UGT2B7: variants seen among roughly 807,000 people sequenced by gnomAD.
UGT2B7 encodes the protein UDP-glucuronosyltransferase 2B7.
A neutral mutation model predicts 51.9 loss-of-function variants in UGT2B7; 51 were observed. That is an observed-to-expected ratio of 0.98 (90% CI 0.78 to 1.24). The LOEUF is 1.24. Among genes scored for constraint, UGT2B7 ranks in the 50% most tolerant of loss-of-function variants. The pLI is 0.00. For missense variants in UGT2B7, 727 were observed against 628.4 expected (o/e 1.16, Z -1.68); for synonymous variants, 225 against 211.6 (o/e 1.06, Z -0.55).
intron 2 of UGT2B7, among the ~76,000 whole-genome samples, chr4:69,091,255 G>A (rs1221055211): frequency 6.6e-6 from 1 of 152,140 alleles, no homozygotes; most frequent in African/African-American, 2.4e-5. Flanking sequence ...TGTATTATCA[G>A]CTAATTAGTC....
At chr4:69,093,799 G>A (rs1190381918), upstream of UGT2B7, among the ~76,000 whole-genome samples, 1 of 152,200 alleles carries the variant, frequency 6.6e-6, no homozygotes, top group Non-Finnish European at 1.5e-5. Flanking sequence ...GTTGATGCCA[G>A]GTTGGCAGTC....
chr4:69,067,799 T>C lies in UGT2B7; in HGVS notation c.-159+16197T>C, dbSNP rs998272691. 4.6e-5 allele frequency among the ~76,000 whole-genome samples: 7 copies of C among 152,230 alleles called. No homozygotes were observed. The South Asian group carries it at 1.5e-3, about 32-fold the overall frequency. ...AATGTGTTTTTTTCGTTTGTTTTAA[T>C]GGAAACATTTGTCAGAGGTTTTAGG... On this transcript the variant is annotated intron_variant, in intron 1 of 5. Transcript: ENST00000502942.
rs114914147 is a variant in UGT2B7 at position 69,106,116 on chromosome 4, T to G, written c.1003-1059T>G. 3.1e-3 allele frequency among the ~76,000 whole-genome samples: 476 copies of G among 152,286 alleles called. 4 individuals carry two copies. The highest frequency in any genetic ancestry group is 0.011 in the African/African-American group (452 of 41,576). The stretch of plus-strand genomic sequence containing the variant: ...AATTAATTTAACTTTTATTTGTAAC[T>G]TTTATTTTAAGTTCAAGGGGACATG... On this transcript the variant is annotated intron_variant, in intron 3 of 5. Coordinates refer to ENST00000305231, the MANE Select transcript of UGT2B7 (RefSeq NM_001074.4).
chr4:69,087,238 A>G (rs1421454337), intron 1 of UGT2B7, among the ~76,000 whole-genome samples: 1 of 151,806 alleles, frequency 6.6e-6, no homozygotes, highest in East Asian at 1.9e-4. Flanking sequence ...TTCTTAGTTA[A>G]TGAAAGATTT....
intron 1 of UGT2B7, among the ~76,000 whole-genome samples, chr4:69,072,476 C>T (rs2109869081): frequency 6.6e-6 from 1 of 152,216 alleles, no homozygotes; most frequent in African/African-American, 2.4e-5. Flanking sequence ...AGGACAAATG[C>T]TTTATGTATA....
At chr4:69,053,562 A>G (rs1395067676) in intron 1 of UGT2B7, among the ~76,000 whole-genome samples, 6 of 152,154 alleles carry the variant, frequency 3.9e-5, no homozygotes, top group Admixed American at 1.3e-4. Flanking sequence ...ACTCTTTTCC[A>G]GGATTCTACA....
At chr4:69,067,665 C>G (rs1718510374) in intron 1 of UGT2B7, 1 of 153,954 alleles carries the variant, frequency 6.5e-6, no homozygotes, top group Admixed American at 6.5e-5. Context: ...TTCATACTTT[C>G]TCACATGAAG....
upstream of UGT2B7, among the ~76,000 whole-genome samples, chr4:69,093,787 G>A (rs1472361092): frequency 2.6e-5 from 4 of 152,188 alleles, no homozygotes; most frequent in South Asian, 2.1e-4. Context: ...CCTTGGTTCT[G>A]TGTTGATGCC....
At chr4:69,061,242 G>A (rs1718338883) in intron 1 of UGT2B7, among the ~76,000 whole-genome samples, 2 of 152,108 alleles carry the variant, frequency 1.3e-5, no homozygotes, top group African/African-American at 4.8e-5. Context: ...ATGTTCATGG[G>A]GCTATTTACA....
At chr4:69,105,005 G>C (rs546448664) in intron 3 of UGT2B7, among the ~76,000 whole-genome samples, 5 of 152,244 alleles carry the variant, frequency 3.3e-5, no homozygotes, top group African/African-American at 1.2e-4. Context: ...CACATAGCCA[G>C]ATAGATTTAG....
chr4:69,110,105 T>C (rs1214350756), intron 5 of UGT2B7, among the ~76,000 whole-genome samples: 1 of 152,030 alleles, frequency 6.6e-6, no homozygotes, highest in Non-Finnish European at 1.5e-5. Flanking sequence ...AGAACACAAT[T>C]AACAAATGGA....
chr4:69,092,774 A>G, upstream of UGT2B7, among the ~76,000 whole-genome samples: 1 of 152,036 alleles, frequency 6.6e-6, no homozygotes, highest in East Asian at 1.9e-4. Context: ...GTAAATATAA[A>G]TAATACATTT....
chr4:69,112,259 C>T (rs1719793393), intron 5 of UGT2B7, among the ~76,000 whole-genome samples, 198 bp from the exon 6 acceptor site: 1 of 152,154 alleles, frequency 6.6e-6, no homozygotes, highest in South Asian at 2.1e-4. Context: ...TCGATCATGA[C>T]CCTCTCACGC....
At position 69,112,511 on chromosome 4, in the gene UGT2B7, G is replaced by T; in HGVS notation, c.1365G>T (p.Lys455Asn). 1 of 1,613,906 alleles carries T rather than the reference G, an allele frequency of 6.2e-7. No individual in the cohort carries two copies. Among genetic ancestry groups the T allele is most frequent in the Non-Finnish European group, 8.5e-7 (1 of 1,179,856 alleles). Residue 455 changes from lysine (K) to asparagine (N), a missense_variant, in exon 6 of 6, where the codon AAG (lysine) becomes AAT (asparagine). Coordinates refer to ENST00000305231, the MANE Select transcript of UGT2B7 (RefSeq NM_001074.4). ...GAATTCAACATGATCAACCAGTGAA[G>T]CCCCTGGATCGAGCAGTCTTCTGGA... The part of the protein sequence containing the change: ...LSRIQHDQPV[K>N]PLDRAVFWIE...
chr4:69,080,852 C>A (rs528244641), intron 1 of UGT2B7, among the ~76,000 whole-genome samples: 110 of 152,176 alleles, frequency 7.2e-4, no homozygotes, highest in Non-Finnish European at 1.1e-3. Flanking sequence ...ACGTGAGCTA[C>A]TTGAGCATAG....
At chr4:69,062,560 G>A (rs1440625430) in intron 1 of UGT2B7, among the ~76,000 whole-genome samples, 1 of 152,228 alleles carries the variant, frequency 6.6e-6, no homozygotes, top group South Asian at 2.1e-4. Context: ...CAGGTATCGT[G>A]CCTTGGATCC....
Position 69,096,974 on chromosome 4 carries a change from G to C in UGT2B7, c.454G>C (p.Ala152Pro). The change falls in exon 1 of 6, where the codon GCT becomes CCT. Residue 152 changes from alanine (A) to proline (P), a missense_variant. Physicochemically the swap from Ala to Pro is conservative, Grantham distance 27 (BLOSUM62 -1). Coordinates refer to ENST00000305231, the MANE Select transcript of UGT2B7 (RefSeq NM_001074.4). Reference sequence around the variant, plus strand: ...AAGATTTGACGTCATTTTTGCAGATGCTATTTTTCCCTGTAGTGAGCTGCT... The same window carrying C: ...AAGATTTGACGTCATTTTTGCAGATCCTATTTTTCCCTGTAGTGAGCTGCT... The part of the protein sequence containing the change: ...ESRFDVIFAD[A>P]IFPCSELLAE... 6.2e-7 allele frequency: 1 copy of C among 1,613,574 alleles called. No homozygotes were observed. Among genetic ancestry groups the C allele is most frequent in the South Asian group, 1.1e-5 (1 of 90,974 alleles).
At chr4:69,074,427 A>AATATAT (rs143693621) in intron 1 of UGT2B7, among the ~76,000 whole-genome samples, 19,940 of 115,836 alleles carry the variant, frequency 0.17, 1,563 homozygotes, top group East Asian at 0.33. Context: ...CCTTATCTTA[A>AATATAT]ATATATATAT....
chr4:69,057,942 G>A (rs1317584362), intron 1 of UGT2B7, among the ~76,000 whole-genome samples: 1 of 152,178 alleles, frequency 6.6e-6, no homozygotes, highest in Non-Finnish European at 1.5e-5. Flanking sequence ...GTGGTGACCG[G>A]AGTCAGAGGA....
Sources: allele counts gnomAD v4.1 joint callset (sites outside exome capture counted in the v4.1 genomes callset), GRCh38; gene constraint gnomAD v4.1.1; transcripts MANE v1.5; gene names NCBI Gene and HGNC (gene_info 2026-07-23, HGNC 2026-07-21).